The following RNF125 variants were observed in gnomAD, a reference collection of about 807,000 sequenced individuals.
The protein encoded by RNF125 is E3 ubiquitin-protein ligase RNF125.
Under a neutral mutation model 26.0 loss-of-function variants are expected in RNF125, and 21 were observed. The observed-to-expected ratio is 0.81, with a 90% CI of 0.57 to 1.16. RNF125 has a LOEUF of 1.16. RNF125 is among the 50% of genes most tolerant of loss of function. The pLI is 0.00. For synonymous variants in RNF125, 95 were observed against 109.2 expected (o/e 0.87, Z 0.81); for missense variants, 270 against 299.4 (o/e 0.90, Z 0.72).
At chr18:32,032,998 T>A (rs745371564) in intron 1 of RNF125, among the ~76,000 whole-genome samples, 1 of 151,900 alleles carries the variant, frequency 6.6e-6, no homozygotes, top group East Asian at 1.9e-4. Context: ...TTTCAGGGAG[T>A]GAAATGAAAA....
chr18:32,047,146 C>T (rs1314280687), intron 4 of RNF125, among the ~76,000 whole-genome samples: 2 of 152,214 alleles, frequency 1.3e-5, no homozygotes, highest in Admixed American at 1.3e-4. Flanking sequence ...AAGCCATTCC[C>T]CTGCCTCAGC....
At chr18:32,056,254 G>A (rs192130192) in intron 4 of RNF125, among the ~76,000 whole-genome samples, 201 of 151,996 alleles carry the variant, frequency 1.3e-3, no homozygotes, top group Admixed American at 5.0e-3. Flanking sequence ...CTGACTCCTC[G>A]TAAATCTAGA....
At position 32,026,726 on chromosome 18, in the gene RNF125, A is replaced by G. The variant is rs185146935; in HGVS notation, c.164+7699A>G. ...AGAGGAAGCAGATTAATGGGGAAAA[A>G]GTTACTATCACACTCTAAATATAAA... is the stretch of plus-strand genomic sequence containing the variant. On this transcript the variant is annotated intron_variant, in intron 1 of 5. Coordinates refer to ENST00000217740, the MANE Select transcript of RNF125 (RefSeq NM_017831.4). 3.9e-5 allele frequency among the ~76,000 whole-genome samples: 6 copies of G among 152,294 alleles called. No homozygotes were observed. The East Asian group carries it at 1.2e-3, about 29-fold the overall frequency.
chr18:32,031,039 A>G (rs1357304333), intron 1 of RNF125: 2 of 152,066 alleles, frequency 1.3e-5, no homozygotes, highest in Non-Finnish European at 2.9e-5. Flanking sequence ...ATCACAGTGG[A>G]GCCCTTATGA....
At chr18:32,077,892 G>C (rs2039580924), downstream of RNF125, among the ~76,000 whole-genome samples, 1 of 151,620 alleles carries the variant, frequency 6.6e-6, no homozygotes, top group African/African-American at 2.4e-5. Context: ...AGGTCCAAGT[G>C]ATCCTCCTAC....
In RNF125 at chr18:32,070,469, C is replaced by T. The variant is rs1383886237; in HGVS notation, c.*2085C>T. 2 of 152,248 alleles carry T rather than the reference C, an allele frequency of 1.3e-5. No individual in the cohort carries two copies. Among genetic ancestry groups the T allele is most frequent in the Non-Finnish European group, 2.9e-5 (2 of 68,072 alleles). 9.4% of individuals were successfully genotyped at this position (152,248 alleles called of 1,614,324 possible). A position where few individuals can be genotyped will look rare whatever the true frequency, so the allele number is the denominator to read the frequency against. ...TATAGGCGTGAGCCACTGTGCCCGGCCTACAGGGTTTTTATCTAACCTTTC... is the reference window on the plus strand; with the variant it reads ...TATAGGCGTGAGCCACTGTGCCCGGTCTACAGGGTTTTTATCTAACCTTTC... On this transcript the variant is annotated 3_prime_UTR_variant, in exon 6 of 6. Transcript: ENST00000217740.
chr18:32,089,605 T>C, the RNF125 span, among the ~76,000 whole-genome samples: 10 of 152,316 alleles, frequency 6.6e-5, no homozygotes, highest in African/African-American at 1.9e-4. Flanking sequence ...AGAAAGAAGA[T>C]TGTGTCATTG....
chr18:32,022,165 G>A (rs2038992316), intron 1 of RNF125, among the ~76,000 whole-genome samples: 1 of 152,188 alleles, frequency 6.6e-6, no homozygotes, highest in Non-Finnish European at 1.5e-5. Context: ...CCATATTGAA[G>A]CTACATTTTC....
At chr18:32,079,012 A>G in the RNF125 span, among the ~76,000 whole-genome samples, 3 of 152,172 alleles carry the variant, frequency 2.0e-5, no homozygotes, top group Non-Finnish European at 4.4e-5. Context: ...TTATCACATT[A>G]TATTTCTTTG....
Position 32,072,477 on chromosome 18 carries a change from A to G in RNF125, c.*4093A>G, listed in dbSNP as rs1250229210. On this transcript the variant is annotated 3_prime_UTR_variant, in exon 6 of 6. Transcript: ENST00000217740. ...ATAAAGCTTTAAGTCATCTGTCACT[A>G]TTAACCTCAGTGCAGCAATTCTGAC... is the stretch of plus-strand genomic sequence containing the variant. 6.6e-6 allele frequency: 1 copy of G among 152,222 alleles called. No homozygotes were observed. The highest frequency in any genetic ancestry group is 1.9e-4 in the East Asian group (1 of 5,194). 9.4% of individuals were successfully genotyped at this position (152,222 alleles called of 1,614,324 possible).
chr18:32,033,038 T>C (rs902001846), intron 1 of RNF125, among the ~76,000 whole-genome samples: 1 of 152,118 alleles, frequency 6.6e-6, no homozygotes, highest in African/African-American at 2.4e-5. Flanking sequence ...ATACACAATG[T>C]AGAAATTGAA....
At chr18:32,034,524 CT>C (rs1340620198) in intron 1 of RNF125, among the ~76,000 whole-genome samples, 1 of 152,082 alleles carries the variant, frequency 6.6e-6, no homozygotes, top group Non-Finnish European at 1.5e-5. Context: ...AATGATCTTT[CT>C]TGGGAGTGTA....
At chr18:32,029,497 A>G (rs2039071588) in intron 1 of RNF125, among the ~76,000 whole-genome samples, 1 of 151,222 alleles carries the variant, frequency 6.6e-6, no homozygotes, top group East Asian at 1.9e-4. Context: ...ATGGTGGGGC[A>G]TGCCTGTAGT....
At chr18:32,085,764 C>G in the RNF125 span, among the ~76,000 whole-genome samples, 4 of 149,192 alleles carry the variant, frequency 2.7e-5, no homozygotes, top group African/African-American at 9.8e-5. Context: ...TCCTTCCTTC[C>G]TGATCTCTCA....
At chr18:32,033,741 C>T (rs1287424441) in intron 1 of RNF125, among the ~76,000 whole-genome samples, 2 of 151,886 alleles carry the variant, frequency 1.3e-5, no homozygotes, top group South Asian at 2.1e-4. Context: ...ATCATTTGAA[C>T]CTGGGAGGTG....
At chr18:32,056,621 C>CAAA (rs58384246) in intron 4 of RNF125, among the ~76,000 whole-genome samples, 1 of 95,314 alleles carries the variant, frequency 1.0e-5, no homozygotes, top group African/African-American at 4.0e-5. Flanking sequence ...AACTCCGTCT[C>CAAA]AAAAAAAAAA....
intron 4 of RNF125, among the ~76,000 whole-genome samples, chr18:32,061,703 C>T (rs1045226031): frequency 1.3e-5 from 2 of 152,170 alleles, no homozygotes; most frequent in Non-Finnish European, 2.9e-5. Context: ...GGAGCCTTTC[C>T]GAACCCTTGG....
rs1220282981 is a variant in RNF125, at chr18:32,070,783, C to CA, written c.*2401dup. ...GCAATGGCACGATCTCGGCTCACTG[C>CA]AACCTCTGCCTCCTGGATTCAAGCA... is the stretch of plus-strand genomic sequence containing the variant. On this transcript the variant is annotated 3_prime_UTR_variant, in exon 6 of 6. Transcript: ENST00000217740. The CA allele has an allele frequency of 6.6e-6, 1 of 151,476 alleles. No homozygotes were observed. Among genetic ancestry groups the CA allele is most frequent in the Non-Finnish European group, 1.5e-5 (1 of 68,014 alleles). 9.4% of individuals were successfully genotyped at this position (151,476 alleles called of 1,614,324 possible). A position where few individuals can be genotyped will look rare whatever the true frequency, so the allele number is the denominator to read the frequency against.
At chr18:32,076,001 GATT>G, downstream of RNF125, 2 of 977,454 alleles carry the variant, frequency 2.0e-6, no homozygotes, top group South Asian at 2.5e-5. Context: ...GATGGGAGCA[GATT>G]ATTCTGCCAT....
Sources: allele counts gnomAD v4.1 joint callset (sites outside exome capture counted in the v4.1 genomes callset), GRCh38; gene constraint gnomAD v4.1.1; transcripts MANE v1.5; gene names NCBI Gene and HGNC (gene_info 2026-07-23, HGNC 2026-07-21).